Variants in WSB2 observed in about 807,000 individuals in gnomAD.
The protein encoded by WSB2 is WD repeat and SOCS box containing 2.
In WSB2, 12 loss-of-function variants were observed where a neutral mutation model predicts 48.8. The observed-to-expected ratio is 0.25, with a 90% CI of 0.16 to 0.40. WSB2 has a LOEUF of 0.40. Ranked by LOEUF, WSB2 falls within the 10% of genes least tolerant of loss-of-function variation. WSB2 has a pLI of 1.00. For missense variants in WSB2, 317 were observed against 506.2 expected (o/e 0.63, Z 3.59); for synonymous variants, 191 against 203.1 (o/e 0.94, Z 0.51).
At chr12:118,034,858 T>C (rs560746928) in intron 8 of WSB2, 128 bp downstream of exon 8, 12 of 804,262 alleles carry the variant, frequency 1.5e-5, no homozygotes, top group Non-Finnish European at 2.1e-5. Flanking sequence ...TTGAGTTTTA[T>C]ATAATCTTGA....
rs184670959 is a variant in WSB2, at chr12:118,037,262, C to G, written c.661-752G>C. 7.0e-4 allele frequency among the ~76,000 whole-genome samples: 107 copies of G among 152,246 alleles called. 1 individual carries two copies. Among genetic ancestry groups the G allele is most frequent in the Non-Finnish European group, 1.2e-3 (83 of 68,036 alleles). ...GGCTGCCAAGGCATTTTACACCCCCCACCTTGTGTATGGAACCATGGAAAT... is the reference window on the plus strand; with the variant it reads ...GGCTGCCAAGGCATTTTACACCCCCGACCTTGTGTATGGAACCATGGAAAT... On this transcript the variant is annotated intron_variant, in intron 5 of 8. Transcript: ENST00000315436.
intron 5 of WSB2, 70 bp from the exon 6 acceptor site, chr12:118,036,580 A>T: frequency 6.7e-7 from 1 of 1,486,966 alleles, no homozygotes; most frequent in Non-Finnish European, 9.1e-7. Context: ...AGGGAGGGAA[A>T]GGTACCACCA....
intron 5 of WSB2, among the ~76,000 whole-genome samples, chr12:118,037,042 CATG>C (rs2031527390): frequency 1.3e-5 from 2 of 152,210 alleles, no homozygotes; most frequent in South Asian, 2.1e-4. Context: ...ATTAGCCAGG[CATG>C]GTGGTGCACG....
At chr12:118,054,224 A>C (rs1225253083) in intron 1 of WSB2, among the ~76,000 whole-genome samples, 54 of 148,726 alleles carry the variant, frequency 3.6e-4, no homozygotes, top group African/African-American at 8.9e-4. Context: ...ATCCAAAAAA[A>C]AAAAAAAAAA....
At chr12:118,047,497 T>A (rs2137784861) in intron 2 of WSB2, among the ~76,000 whole-genome samples, 1 of 152,372 alleles carries the variant, frequency 6.6e-6, no homozygotes, top group South Asian at 2.1e-4. Context: ...ACTACATGAT[T>A]TTTAAAAAAT....
Position 118,034,971 on chromosome 12 carries a change from C to T in WSB2, c.1052+15G>A, listed in dbSNP as rs1218671353. On this transcript the variant is annotated intron_variant, in intron 8 of 8. Coordinates refer to ENST00000315436, the MANE Select transcript of WSB2 (RefSeq NM_018639.5). ...CAGAAAGCACCACCCATCTGTTCAG[C>T]TAACAAATACATACCCTGTGGCAAT... 6.2e-7 allele frequency: 1 copy of T among 1,612,710 alleles called. No individual in the cohort carries two copies. Among genetic ancestry groups the T allele is most frequent in the Admixed American group, 1.7e-5 (1 of 59,980 alleles).
Position 118,043,327 on chromosome 12 carries a change from T to C in WSB2, c.233A>G (p.Lys78Arg). The change falls in exon 3 of 9, where the codon AAA becomes AGA. Residue 78 changes from lysine to arginine, a missense_variant. Physicochemically the swap from Lys to Arg is conservative, Grantham distance 26 (BLOSUM62 2). This residue lies in a region of WSB2 where 128 missense variants were observed against 156.7 expected (regional missense o/e 0.82). Coordinates refer to ENST00000315436, the MANE Select transcript of WSB2 (RefSeq NM_018639.5). ...CTTCTCTTTTGGGCTGCCCCGCCCT[T>C]TCGTCTCATTTTTGCTACTTCGGCT... ...AKSRSSKNET[K>R]GRGSPKEKTL... 1 of 1,599,432 alleles carries C rather than the reference T, an allele frequency of 6.3e-7. No individual in the cohort carries two copies. The highest frequency in any genetic ancestry group is 1.8e-5 in the Admixed American group (1 of 57,136).
chr12:118,061,561 A>T (rs1453943352), upstream of WSB2, among the ~76,000 whole-genome samples: 1 of 150,660 alleles, frequency 6.6e-6, no homozygotes, highest in Non-Finnish European at 1.5e-5. Flanking sequence ...GGAGTAGGGG[A>T]AGCCGGGCTC....
At chr12:118,035,150 G>T in intron 7 of WSB2, 57 bp from the exon 8 acceptor site, 1 of 1,611,590 alleles carries the variant, frequency 6.2e-7, no homozygotes, top group Non-Finnish European at 8.5e-7. Flanking sequence ...GACCAAGAGG[G>T]CCTTGCTGCC....
chr12:118,042,269 C>T (rs920610729), intron 4 of WSB2, among the ~76,000 whole-genome samples: 18 of 152,306 alleles, frequency 1.2e-4, no homozygotes, highest in African/African-American at 4.1e-4. Flanking sequence ...CAGTGGTTCT[C>T]AACCTGGGGA....
chr12:118,052,396 G>A lies in WSB2; in HGVS notation c.96C>T (p.Val32=), dbSNP rs770242064. 6.8e-6 allele frequency: 11 copies of A among 1,614,194 alleles called. No individual in the cohort carries two copies. Among genetic ancestry groups the A allele is most frequent in the Middle Eastern group, 1.6e-4 (1 of 6,062 alleles). ...ACCAGGAGCCATCTGGGGAGAAGGC[G>A]ACGCTCCAGGTTTCACAGCTGGACT... ...DWKSSCETWS[V]AFSPDGSWFA... is the part of the protein sequence containing the mutation. The change falls in exon 2 of 9, where the codon GTC becomes GTT. Residue 32 remains valine (V), a synonymous_variant. Coordinates refer to ENST00000315436, the MANE Select transcript of WSB2 (RefSeq NM_018639.5).
At chr12:118,034,570 A>G in intron 8 of WSB2, 1 of 457,692 alleles carries the variant, frequency 2.2e-6, no homozygotes. Flanking sequence ...TGTGATACCA[A>G]AGCGCTCTCT....
At chr12:118,062,038 G>C, upstream of WSB2, 1 of 1,488,832 alleles carries the variant, frequency 6.7e-7, no homozygotes, top group East Asian at 2.5e-5. Flanking sequence ...CGGAGTGGGG[G>C]TGGGAACGAG....
intron 5 of WSB2, among the ~76,000 whole-genome samples, chr12:118,037,668 A>G (rs11068778): frequency 9.0e-6 from 1 of 110,690 alleles, no homozygotes; most frequent in Non-Finnish European, 2.1e-5. Flanking sequence ...AACTCTGTCT[A>G]AAAAAAAAAA....
At chr12:118,041,539 G>A (rs1025388565) in intron 4 of WSB2, among the ~76,000 whole-genome samples, 1 of 152,020 alleles carries the variant, frequency 6.6e-6, no homozygotes, top group African/African-American at 2.4e-5. Flanking sequence ...TGTGGAGCTG[G>A]ACAGTCATAG....
At chr12:118,062,005 G>T, upstream of WSB2, 1 of 1,216,926 alleles carries the variant, frequency 8.2e-7, no homozygotes, top group Non-Finnish European at 1.1e-6. Flanking sequence ...GGGGCGGTGG[G>T]GAGAGGAGGG....
intron 2 of WSB2, among the ~76,000 whole-genome samples, chr12:118,050,894 A>G (rs996249228): frequency 1.3e-5 from 2 of 151,914 alleles, no homozygotes; most frequent in African/African-American, 4.8e-5. Flanking sequence ...TCTACTAAAA[A>G]TACAAAAATT....
rs558504911 is a variant in WSB2, at chr12:118,035,275, A to C, written c.883T>G (p.Ser295Ala). ...GGAGAGAAGCACACAGATCTCAGTG[A>C]GCTAATGTGGACGTCACTGTCATCC... is the stretch of plus-strand genomic sequence containing the variant. ...AMDDSDVHISSLRSVCFSPEG... is the reference protein window; with the variant it reads ...AMDDSDVHISALRSVCFSPEG... Residue 295 changes from serine (S) to alanine (A), a missense_variant, in exon 7 of 9, where the codon TCA becomes GCA. This residue lies in a region of WSB2 where 189 missense variants were observed against 349.6 expected (regional missense o/e 0.54). Transcript: ENST00000315436. 6.2e-7 allele frequency: 1 copy of C among 1,614,196 alleles called. No individual in the cohort carries two copies. The highest frequency in any genetic ancestry group is 1.1e-5 in the South Asian group (1 of 91,086).
At chr12:118,049,826 T>C (rs1285712912) in intron 2 of WSB2, among the ~76,000 whole-genome samples, 2 of 152,148 alleles carry the variant, frequency 1.3e-5, no homozygotes, top group Non-Finnish European at 2.9e-5. Context: ...CCTGTCAACA[T>C]TCCCTCTTAT....
Sources: allele counts gnomAD v4.1 joint callset (sites outside exome capture counted in the v4.1 genomes callset), GRCh38; gene constraint gnomAD v4.1.1; regional missense constraint gnomAD v4.1.1; transcripts MANE v1.5; gene names NCBI Gene and HGNC (gene_info 2026-07-23, HGNC 2026-07-21).